Variants in MTUS2 observed in about 807,000 individuals in gnomAD.
MTUS2 encodes microtubule associated scaffold protein 2.
MTUS2 carries 40 observed loss-of-function variants against 114.1 expected under a neutral mutation model. The ratio of observed to expected loss-of-function variants is 0.35; its 90% CI spans 0.27 to 0.46. The LOEUF (loss-of-function observed/expected upper bound fraction) is 0.46, where lower values mean the gene tolerates loss of function less well. Among genes scored for constraint, MTUS2 ranks in the 20% least tolerant of loss-of-function variants. The pLI is 1.00. For synonymous variants in MTUS2, 688 were observed against 672.0 expected, an observed-to-expected ratio of 1.02 and a Z score of -0.37; for missense variants, 1,679 against 1,705.4, an observed-to-expected ratio of 0.98 and a Z score of 0.27.
At chr13:29,060,575 T>A (rs2138643655) in intron 4 of MTUS2, among the ~76,000 whole-genome samples, 1 of 148,310 alleles carries the variant, frequency 6.7e-6, no homozygotes, top group African/African-American at 2.5e-5. Context: ...TACTATTTAC[T>A]TGGTAAATCA....
At chr13:29,421,018 A>G (rs1160913775) in intron 8 of MTUS2, among the ~76,000 whole-genome samples, 2 of 152,226 alleles carry the variant, frequency 1.3e-5, no homozygotes, top group Admixed American at 6.5e-5. Flanking sequence ...ATCTGAGAAC[A>G]TATCTCAGAG....
chr13:29,319,469 G>C, intron 6 of MTUS2, among the ~76,000 whole-genome samples: 1 of 152,228 alleles, frequency 6.6e-6, no homozygotes, highest in East Asian at 1.9e-4. Flanking sequence ...TATCCTGCCA[G>C]CTTGGGCATC....
chr13:29,495,445 G>A (rs2138997909), intron 12 of MTUS2, among the ~76,000 whole-genome samples: 1 of 151,852 alleles, frequency 6.6e-6, no homozygotes. Flanking sequence ...TTTGCAGAGA[G>A]GGTCCTCCAC....
rs961803723 is a variant in MTUS2 at position 29,371,986 on chromosome 13, C to A, written c.3117+12513C>A. On this transcript the variant is annotated intron_variant, in intron 8 of 15. Transcript: ENST00000612955. Reference sequence around the variant, plus strand: ...GTGTCCTCAACCCCCGCCCCCCCCCCCACACACACACACAAGCACAAAAGG... The same window carrying A: ...GTGTCCTCAACCCCCGCCCCCCCCCACACACACACACACAAGCACAAAAGG... Among the ~76,000 whole-genome samples the A allele has an allele frequency of 1.8e-3, 113 of 61,866 alleles. 10 individuals are homozygous for A. Among genetic ancestry groups the A allele is most frequent in the African/African-American group, 4.9e-3 (105 of 21,284 alleles). 40.6% of individuals were successfully genotyped at this position (61,866 alleles called of 152,430 possible).
intron 5 of MTUS2, among the ~76,000 whole-genome samples, chr13:29,187,845 G>T (rs1286697702): frequency 2.6e-4 from 39 of 152,114 alleles, no homozygotes; most frequent in Admixed American, 2.5e-3. Flanking sequence ...ATTCTGTGTT[G>T]ATTTCTGGTC....
rs570788710 is a variant in MTUS2 at position 29,229,419 on chromosome 13, A to G, written c.2645-52285A>G. Among the ~76,000 whole-genome samples, 97 of 152,308 alleles carry G rather than the reference A, an allele frequency of 6.4e-4. No individual in the cohort carries two copies. In the Middle Eastern group the frequency reaches 0.014, roughly 21 times the overall value. On this transcript the variant is annotated intron_variant, in intron 5 of 15. Transcript: ENST00000612955. The stretch of plus-strand genomic sequence containing the variant: ...CAAGGACACTTTTAATATGTACGAT[A>G]CTAAATGCAGATTCCTTTCCCATTG...
At chr13:29,477,135 CTG>C (rs1880761473) in intron 9 of MTUS2, among the ~76,000 whole-genome samples, 2 of 152,162 alleles carry the variant, frequency 1.3e-5, no homozygotes, top group Admixed American at 1.3e-4. Context: ...CAGCAGGAGC[CTG>C]TGTTTTTGTC....
chr13:29,242,866 CA>C (rs1449480358), intron 5 of MTUS2, among the ~76,000 whole-genome samples: 2 of 16,206 alleles, frequency 1.2e-4, no homozygotes, highest in South Asian at 0.062. Flanking sequence ...AAGATAGTAC[CA>C]TTTGTCATCT....
intron 8 of MTUS2, among the ~76,000 whole-genome samples, chr13:29,368,931 G>A (rs567649149): frequency 8.0e-4 from 122 of 152,308 alleles, no homozygotes; most frequent in African/African-American, 2.9e-3. Context: ...CCTTCATGGG[G>A]CCAGGTAAGG....
chr13:28,960,757 A>T (rs1883290883), intron 2 of MTUS2, among the ~76,000 whole-genome samples: 2 of 152,194 alleles, frequency 1.3e-5, no homozygotes, highest in Non-Finnish European at 2.9e-5. Context: ...TGTGATACAA[A>T]TGTTCTGGCA....
chr13:29,473,374 C>T (rs770580647), intron 9 of MTUS2, among the ~76,000 whole-genome samples: 51 of 152,276 alleles, frequency 3.3e-4, no homozygotes, highest in Middle Eastern at 3.4e-3. Context: ...ATGCAGAAGA[C>T]ACTTGGGACA....
chr13:29,278,445 A>G (rs768287208), intron 5 of MTUS2, among the ~76,000 whole-genome samples: 15 of 152,188 alleles, frequency 9.9e-5, no homozygotes, highest in Non-Finnish European at 2.1e-4. Context: ...AGTAAGGCTA[A>G]CCACCTCAAT....
At chr13:29,438,311 A>T (rs1406845298) in intron 8 of MTUS2, among the ~76,000 whole-genome samples, 1 of 152,188 alleles carries the variant, frequency 6.6e-6, no homozygotes, top group African/African-American at 2.4e-5. Flanking sequence ...AACTTCAGAA[A>T]TGAGATGGGA....
intron 8 of MTUS2, among the ~76,000 whole-genome samples, chr13:29,385,049 C>A (rs185611958): frequency 5.6e-4 from 85 of 152,286 alleles, no homozygotes; most frequent in Middle Eastern, 3.4e-3. Context: ...GGTGGACCAG[C>A]CACTCTGCTG....
intron 5 of MTUS2, chr13:29,239,388 A>G (rs1999717): frequency 0.84 from 128,560 of 152,182 alleles, 54,424 homozygotes; most frequent in African/African-American, 0.9. Flanking sequence ...AATTCCATTT[A>G]CACTGTTGCC....
chr13:29,396,129 T>A (rs1190606135), intron 8 of MTUS2, among the ~76,000 whole-genome samples: 1 of 152,190 alleles, frequency 6.6e-6, no homozygotes, highest in Non-Finnish European at 1.5e-5. Flanking sequence ...TTTGGCCAGT[T>A]GTGATGAAAA....
At chr13:28,896,067 G>T (rs1879246618) in intron 2 of MTUS2, among the ~76,000 whole-genome samples, 1 of 152,212 alleles carries the variant, frequency 6.6e-6, no homozygotes. Context: ...TCTCTGGGCA[G>T]CATGTGATTG....
rs1458296537 is a variant in MTUS2, at chr13:29,480,890, A to G, written c.3399+526A>G. Among the ~76,000 whole-genome samples, 1 of 152,186 alleles carries G rather than the reference A, an allele frequency of 6.6e-6. No homozygotes were observed. Among genetic ancestry groups the G allele is most frequent in the Non-Finnish European group, 1.5e-5 (1 of 68,038 alleles). On this transcript the variant is annotated intron_variant, in intron 10 of 15. Transcript: ENST00000612955. The surrounding 1 kb of genome is among the most constrained non-coding windows in gnomAD (Gnocchi z 4.4). ...ACACTGCTCTAAGCTCTTTACAGGA[A>G]CTGACTCATGTAGTCCTCACAGTTC... is the stretch of plus-strand genomic sequence containing the variant.
At chr13:29,483,934 G>T (rs935447059) in intron 10 of MTUS2, 1 of 152,154 alleles carries the variant, frequency 6.6e-6, no homozygotes, top group African/African-American at 2.4e-5. Context: ...GCTGCCTTTG[G>T]CTGTCCCCAC....
Sources: allele counts gnomAD v4.1 joint callset (sites outside exome capture counted in the v4.1 genomes callset), GRCh38; gene constraint gnomAD v4.1.1; non-coding constraint Gnocchi (gnomAD v3.1); transcripts MANE v1.5; gene names NCBI Gene and HGNC (gene_info 2026-07-23, HGNC 2026-07-21).